Variants in RIC8B observed in about 807,000 individuals in gnomAD.
RIC8B encodes RIC8 guanine nucleotide exchange factor B, also known as chaperone Ric-8B.
A neutral mutation model predicts 57.5 loss-of-function variants in RIC8B; 16 were observed. That is an observed-to-expected ratio of 0.28 (90% CI 0.19 to 0.42). The LOEUF (loss-of-function observed/expected upper bound fraction) is 0.42. Among genes scored for constraint, RIC8B ranks in the 10% least tolerant of loss-of-function variants. The pLI, the probability that RIC8B is intolerant of heterozygous loss-of-function variation, is 1.00. For synonymous variants in RIC8B, 216 were observed against 250.8 expected, an observed-to-expected ratio of 0.86 and a Z score of 1.31; for missense variants, 481 against 677.0, an observed-to-expected ratio of 0.71 and a Z score of 3.21.
chr12:106,824,233 C>G (rs1332966631), intron 3 of RIC8B, among the ~76,000 whole-genome samples: 2 of 152,196 alleles, frequency 1.3e-5, no homozygotes, highest in Non-Finnish European at 2.9e-5. Flanking sequence ...TGCATATCAT[C>G]TTCTTTAATC....
intron 8 of RIC8B, among the ~76,000 whole-genome samples, chr12:106,870,122 G>A (rs926052114): frequency 1.1e-4 from 17 of 150,190 alleles, no homozygotes; most frequent in African/African-American, 4.2e-4. Context: ...AGAATAGTTT[G>A]TTTGGTATTA....
chr12:106,789,692 C>T (rs940261978), intron 2 of RIC8B, among the ~76,000 whole-genome samples: 6 of 152,090 alleles, frequency 3.9e-5, no homozygotes, highest in Admixed American at 2.0e-4. Flanking sequence ...CCACAACATA[C>T]GGGAATTATG....
chr12:106,868,255 C>G, intron 8 of RIC8B: 1 of 455,866 alleles, frequency 2.2e-6, no homozygotes, highest in South Asian at 1.6e-5. Context: ...GTGCAAATGT[C>G]ATTATATCCT....
At chr12:106,882,581 C>T (rs966597273) in intron 9 of RIC8B, among the ~76,000 whole-genome samples, 1 of 152,140 alleles carries the variant, frequency 6.6e-6, no homozygotes, top group Non-Finnish European at 1.5e-5. Flanking sequence ...AACTGAGACT[C>T]GGAAGCTTGC....
At position 106,813,694 on chromosome 12, in the gene RIC8B, A is replaced by G. The variant is rs374948546; in HGVS notation, c.133-1002A>G. Among the ~76,000 whole-genome samples the G allele has an allele frequency of 2.0e-5, 3 of 152,158 alleles. No individual in the cohort carries two copies. In the East Asian group the frequency reaches 5.8e-4, roughly 29 times the overall value. On this transcript the variant is annotated intron_variant, in intron 2 of 9. Transcript: ENST00000392837. ...GGCAGCCTCTTTTTATTGAAGAATT[A>G]AGTCTGATGATAGATTAATAGAAAT... is the stretch of plus-strand genomic sequence containing the variant.
intron 3 of RIC8B, among the ~76,000 whole-genome samples, chr12:106,817,852 C>A (rs1466177007): frequency 1.3e-5 from 2 of 150,740 alleles, no homozygotes; most frequent in Admixed American, 1.3e-4. Flanking sequence ...AATCTCTCAC[C>A]AGAGTGCAGA....
At chr12:106,785,809 CTCTCTG>C (rs766024668) in intron 2 of RIC8B, among the ~76,000 whole-genome samples, 2,459 of 128,088 alleles carry the variant, frequency 0.019, 35 homozygotes, top group African/African-American at 0.032. Context: ...CTCTCTCTCT[CTCTCTG>C]TGTGTGTGTG....
At chr12:106,866,040 C>T (rs1452672798) in intron 8 of RIC8B, among the ~76,000 whole-genome samples, 2 of 152,170 alleles carry the variant, frequency 1.3e-5, no homozygotes, top group East Asian at 3.8e-4. Context: ...CTGCCTTTAC[C>T]ACTCCATATC....
At chr12:106,845,576 C>T (rs1201115406) in intron 6 of RIC8B, among the ~76,000 whole-genome samples, 1 of 151,928 alleles carries the variant, frequency 6.6e-6, no homozygotes, top group Non-Finnish European at 1.5e-5. Flanking sequence ...GCATTTATTT[C>T]CCCTCTCTCT....
At chr12:106,849,182 A>T (rs1949346543) in intron 6 of RIC8B, among the ~76,000 whole-genome samples, 1 of 152,120 alleles carries the variant, frequency 6.6e-6, no homozygotes, top group Admixed American at 6.5e-5. Flanking sequence ...CCCTGATGTG[A>T]TTATTATGTA....
At chr12:106,882,759 A>T (rs958066730) in intron 9 of RIC8B, among the ~76,000 whole-genome samples, 2 of 152,168 alleles carry the variant, frequency 1.3e-5, no homozygotes, top group Admixed American at 6.5e-5. Flanking sequence ...AGAAGTATCA[A>T]TGAGCCCAGG....
chr12:106,865,828 A>G (rs954496542), intron 8 of RIC8B, among the ~76,000 whole-genome samples: 1 of 152,156 alleles, frequency 6.6e-6, no homozygotes, highest in Non-Finnish European at 1.5e-5. Flanking sequence ...TTCTTGCTAT[A>G]CTATTGCCAC....
chr12:106,878,726 C>T (rs1359425709), intron 9 of RIC8B, among the ~76,000 whole-genome samples: 1 of 151,920 alleles, frequency 6.6e-6, no homozygotes, highest in Non-Finnish European at 1.5e-5. Flanking sequence ...CAGAAGTCAA[C>T]AAAACAAGTA....
intron 6 of RIC8B, among the ~76,000 whole-genome samples, chr12:106,844,261 C>A (rs1457376628): frequency 6.6e-6 from 1 of 152,116 alleles, no homozygotes; most frequent in African/African-American, 2.4e-5. Context: ...TGGTGATAAG[C>A]ATTCTGAAGA....
intron 4 of RIC8B, among the ~76,000 whole-genome samples, chr12:106,840,288 C>A (rs1437304095): frequency 2.0e-5 from 3 of 152,030 alleles, no homozygotes; most frequent in African/African-American, 7.3e-5. Context: ...TTAATCAGGG[C>A]ATTAAGGAGT....
intron 2 of RIC8B, among the ~76,000 whole-genome samples, chr12:106,812,358 C>G (rs2045371457): frequency 6.6e-6 from 1 of 151,888 alleles, no homozygotes; most frequent in African/African-American, 2.4e-5. Context: ...ATAGCCCTGG[C>G]TATTCCAATT....
Position 106,871,500 on chromosome 12 carries a change from C to CAAAAAAAA in RIC8B, c.1571+564_1571+565insAAAAAAAA, listed in dbSNP as rs1566169701. On this transcript the variant is annotated intron_variant, in intron 9 of 9. Coordinates refer to ENST00000392837, the MANE Select transcript of RIC8B (RefSeq NM_001330145.2). Reference sequence around the variant, plus strand: ...AAAAAAAAAAAAAAAAAAAAAAAACCAAAAAACTCCCCTTCCCCTCTTGCT... The same window carrying CAAAAAAAA: ...AAAAAAAAAAAAAAAAAAAAAAAACCAAAAAAAAAAAAAACTCCCCTTCCCCTCTTGCT... The CAAAAAAAA allele has an allele frequency of 4.4e-3, 295 of 66,538 alleles. 39 individuals are homozygous for CAAAAAAAA. The highest frequency in any genetic ancestry group is 0.013 in the African/African-American group (210 of 16,614). The allele number at this position is 66,538 out of a possible 1,614,324, so 4.1% of individuals were successfully genotyped here.
intron 9 of RIC8B, among the ~76,000 whole-genome samples, chr12:106,883,453 C>T (rs984640684): frequency 1.3e-5 from 2 of 152,124 alleles, no homozygotes. Context: ...CATGTAGGCA[C>T]CTCAAGCCCT....
At position 106,777,395 on chromosome 12, in the gene RIC8B, G is replaced by GA. The variant is rs573100233; in HGVS notation, c.84+2574dup. On this transcript the variant is annotated intron_variant, in intron 1 of 9. Transcript: ENST00000392837. ...TATGGTATATGGAATTTAGAACCCT[G>GA]AAAAAAAATAGTTGGGTACCATATA... is the stretch of plus-strand genomic sequence containing the variant. Among the ~76,000 whole-genome samples, 300 of 151,782 alleles carry GA rather than the reference G, an allele frequency of 2.0e-3. 1 individual carries two copies. Among genetic ancestry groups the GA allele is most frequent in the African/African-American group, 6.5e-3 (268 of 41,432 alleles).
Sources: allele counts gnomAD v4.1 joint callset (sites outside exome capture counted in the v4.1 genomes callset), GRCh38; gene constraint gnomAD v4.1.1; transcripts MANE v1.5; gene names NCBI Gene and HGNC (gene_info 2026-07-23, HGNC 2026-07-21).